LRPPRC: variants seen among roughly 807,000 people sequenced by gnomAD.
LRPPRC encodes the protein leucine rich pentatricopeptide repeat containing, also known as leucine-rich PPR motif-containing protein, mitochondrial.
LRPPRC carries 120 observed loss-of-function variants against 180.3 expected under a neutral mutation model. The ratio of observed to expected loss-of-function variants is 0.67; its 90% CI spans 0.57 to 0.77. The LOEUF (loss-of-function observed/expected upper bound fraction) is 0.77. LRPPRC is among the 30% of genes least tolerant of loss of function. LRPPRC has a pLI of 0.00. For synonymous variants in LRPPRC, 723 were observed against 600.0 expected (o/e 1.21, Z -3.00); for missense variants, 2,012 against 1,657.2 (o/e 1.21, Z -3.72).
At chr2:43,957,546 T>C (rs1313600799) in intron 13 of LRPPRC, 95 bp from the exon 14 acceptor site, 6 of 884,090 alleles carry the variant, frequency 6.8e-6, no homozygotes, top group African/African-American at 1.7e-5. Context: ...CAATACCTTT[T>C]AGTTTTCATT....
At chr2:43,978,915 A>AT (rs1331881932) in intron 3 of LRPPRC, among the ~76,000 whole-genome samples, 2 of 152,078 alleles carry the variant, frequency 1.3e-5, no homozygotes, top group Non-Finnish European at 2.9e-5. Flanking sequence ...CTGTGAGCTG[A>AT]TTTTCTGGGA....
intron 36 of LRPPRC, among the ~76,000 whole-genome samples, chr2:43,891,114 G>A (rs1670475759): frequency 6.6e-6 from 1 of 152,174 alleles, no homozygotes; most frequent in Non-Finnish European, 1.5e-5. Context: ...CTGTTTCCAT[G>A]AAGTCAACTT....
chr2:43,974,301 A>G lies in LRPPRC; in HGVS notation c.1010-6T>C. 3 of 1,602,614 alleles carry G rather than the reference A, an allele frequency of 1.9e-6. No homozygotes were observed. The South Asian group carries it at 3.3e-5, about 18-fold the overall frequency. On this transcript the variant is annotated splice_region_variant and splice_polypyrimidine_tract_variant and intron_variant, in intron 8 of 37. Coordinates refer to ENST00000260665, the MANE Select transcript of LRPPRC (RefSeq NM_133259.4). ...TAAAATGAGGTTCATTGCATCTGGG[A>G]AGAAAACAAAGACATCTTTTGTTAA...
intron 27 of LRPPRC, among the ~76,000 whole-genome samples, chr2:43,923,162 ATT>A (rs1276696567): frequency 1.8e-5 from 2 of 111,700 alleles, no homozygotes; most frequent in African/African-American, 7.6e-5. Context: ...AATGTTGTAT[ATT>A]TTTTTGTTTC....
intron 7 of LRPPRC, 38 bp from the exon 8 acceptor site, chr2:43,974,796 G>A: frequency 1.3e-6 from 2 of 1,597,970 alleles, no homozygotes; most frequent in Non-Finnish European, 1.7e-6. Flanking sequence ...CAAAGTTAGA[G>A]TGTTTTTATT....
At chr2:43,894,477 C>A in intron 36 of LRPPRC, 68 bp downstream of exon 36, 1 of 808,064 alleles carries the variant, frequency 1.2e-6, no homozygotes, top group East Asian at 2.6e-5. Context: ...AAGTCATTTA[C>A]ATGATATAGT....
Position 43,888,653 on chromosome 2 carries a change from T to C in LRPPRC, c.4132A>G (p.Ser1378Gly), listed in dbSNP as rs149693840. The C allele has an allele frequency of 4.0e-4, 636 of 1,588,626 alleles. No homozygotes were observed. Among genetic ancestry groups the C allele is most frequent in the Middle Eastern group, 6.7e-4 (4 of 6,006 alleles). ...AGCTGCTGTGCATAAAATTCAAAGC[T>C]TTCCTGTTAAGGAGAAAAAAAGAGG... The part of the protein sequence containing the change: ...EPVPFIEPPE[S>G]FEFYAQQLRK... The change falls in exon 38 of 38, where the codon AGC becomes GGC. Residue 1378 changes from serine to glycine, a missense_variant. Physicochemically the swap from Ser to Gly is moderately conservative, Grantham distance 56 (BLOSUM62 0). Transcript: ENST00000260665.
At chr2:43,994,603 G>GTCTCTGCAA (rs907549467) in intron 1 of LRPPRC, among the ~76,000 whole-genome samples, 1 of 152,092 alleles carries the variant, frequency 6.6e-6, no homozygotes, top group African/African-American at 2.4e-5. Flanking sequence ...GTAGGCTGCA[G>GTCTCTGCAA]TCTGGGCCCA....
intron 23 of LRPPRC, among the ~76,000 whole-genome samples, chr2:43,938,397 A>G (rs1490689278): frequency 6.6e-6 from 1 of 152,202 alleles, no homozygotes; most frequent in Non-Finnish European, 1.5e-5. Context: ...TTAAATTTTA[A>G]GAACATATAT....
intron 36 of LRPPRC, chr2:43,890,470 T>C (rs868066107): frequency 1.4e-5 from 5 of 361,700 alleles, no homozygotes; most frequent in Admixed American, 1.3e-4. Context: ...TCCCAGCACT[T>C]TGGGAGGCCG....
intron 37 of LRPPRC, 79 bp downstream of exon 37, chr2:43,889,628 TCTAATCCTCATGTAATTAAGTCTTCAA>T (rs1213052864): frequency 1.0e-6 from 1 of 974,752 alleles, no homozygotes; most frequent in Non-Finnish European, 1.6e-6. Context: ...TTCACAGAGA[TCTAATCCTCATGTAATTAAGTCTTCAA>T]CTTATTTTCT....
At chr2:43,944,075 T>C (rs922246487) in intron 22 of LRPPRC, among the ~76,000 whole-genome samples, 181 bp from the exon 23 acceptor site, 15 of 152,084 alleles carry the variant, frequency 9.9e-5, no homozygotes, top group Admixed American at 6.6e-5. Flanking sequence ...TAGCATGGTT[T>C]TATCATTTCC....
rs6736282 is a variant in LRPPRC at position 43,977,578 on chromosome 2, T to C, written c.470-302A>G. The stretch of plus-strand genomic sequence containing the variant: ...AGAAAACGCTGACAATATCCCTATA[T>C]TTAAAAGTGACTGTAAGATTTTTCT... On this transcript the variant is annotated intron_variant, in intron 3 of 37. Coordinates refer to ENST00000260665, the MANE Select transcript of LRPPRC (RefSeq NM_133259.4). 0.4 allele frequency among the ~76,000 whole-genome samples: 60,858 copies of C among 151,978 alleles called. 13,107 individuals carry two copies. The highest frequency in any genetic ancestry group is 0.49 in the Non-Finnish European group (33,059 of 67,862).
At position 43,975,216 on chromosome 2, in the gene LRPPRC, CACT is replaced by C; in HGVS notation, c.738-2_738del. ...AGAATGTTTTCTGCATTCTCCATAT[CACT>C]ACAAGTTAATTCAAAAAACAGATTA... On this transcript the variant is annotated splice_acceptor_variant and coding_sequence_variant, in exon 7 of 38. Coordinates refer to ENST00000260665, the MANE Select transcript of LRPPRC (RefSeq NM_133259.4). LOFTEE classifies it high-confidence loss of function. 6.2e-7 allele frequency: 1 copy of C among 1,612,460 alleles called. No individual in the cohort carries two copies. The highest frequency in any genetic ancestry group is 8.5e-7 in the Non-Finnish European group (1 of 1,179,598).
At chr2:43,989,036 G>T (rs934725141) in intron 1 of LRPPRC, among the ~76,000 whole-genome samples, 2 of 152,096 alleles carry the variant, frequency 1.3e-5, no homozygotes, top group Middle Eastern at 3.4e-3. Context: ...CACCACAGCT[G>T]GCTAATTTCT....
At chr2:43,894,728 TATAAC>T (rs1425954417) in intron 35 of LRPPRC, 99 bp from the exon 36 acceptor site, 15 of 725,106 alleles carry the variant, frequency 2.1e-5, no homozygotes, top group African/African-American at 1.2e-4. Flanking sequence ...TCACAATAAT[TATAAC>T]AGAACTACCT....
In LRPPRC at chr2:43,949,644, A is replaced by T; in HGVS notation, c.1693T>A (p.Tyr565Asn). ...NLWSEITELL[Y>N]KDGRYCQEPR... The stretch of plus-strand genomic sequence containing the variant: ...TCCTGGCAATAACGTCCATCCTTGT[A>T]CAACAATTCTGTTATCTGGTAAGAC... Residue 565 changes from tyrosine (Y) to asparagine (N), a missense_variant, in exon 16 of 38, where the codon TAC becomes AAC. Transcript: ENST00000260665. 6.2e-7 allele frequency: 1 copy of T among 1,613,796 alleles called. No individual in the cohort carries two copies. Among genetic ancestry groups the T allele is most frequent in the South Asian group, 1.1e-5 (1 of 91,036 alleles).
Position 43,982,336 on chromosome 2 carries a change from A to T in LRPPRC, c.248T>A (p.Phe83Tyr). 1 of 1,613,276 alleles carries T rather than the reference A, an allele frequency of 6.2e-7. No individual in the cohort carries two copies. The highest frequency in any genetic ancestry group is 8.5e-7 in the Non-Finnish European group (1 of 1,179,358). The part of the protein sequence containing the change: ...TFSSRKISNQ[F>Y]DWALMRLDLS... ...ATCTAGTCTCATTAGAGCCCAATCA[A>T]ACTGATTGGAAATCTTCCTAGAAGA... Residue 83 changes from phenylalanine to tyrosine, a missense_variant, in exon 2 of 38, where the codon TTT (phenylalanine) becomes TAT (tyrosine). By Grantham distance (22) the Phe-to-Tyr change is conservative. Transcript: ENST00000260665.
At chr2:43,898,042 C>A (rs1670748487) in intron 34 of LRPPRC, among the ~76,000 whole-genome samples, 1 of 141,342 alleles carries the variant, frequency 7.1e-6, no homozygotes, top group Non-Finnish European at 1.5e-5. Flanking sequence ...TCCTGAAATC[C>A]CTATCATAAA....
Sources: allele counts gnomAD v4.1 joint callset (sites outside exome capture counted in the v4.1 genomes callset), GRCh38; gene constraint gnomAD v4.1.1; transcripts MANE v1.5; gene names NCBI Gene and HGNC (gene_info 2026-07-23, HGNC 2026-07-21).